TTLL11: variants seen among roughly 807,000 people sequenced by gnomAD.
TTLL11 encodes tubulin polyglutamylase TTLL11.
In TTLL11, 42 loss-of-function variants were observed where a neutral mutation model predicts 51.7. The observed-to-expected ratio is 0.81, with a 90% confidence interval of 0.64 to 1.05. The LOEUF (loss-of-function observed/expected upper bound fraction) is 1.05. Among genes scored for constraint, TTLL11 ranks in the 50% least tolerant of loss-of-function variants. The pLI is 0.00. For missense variants in TTLL11, 799 were observed against 940.4 expected (o/e 0.85, Z 1.97); for synonymous variants, 381 against 383.5 (o/e 0.99, Z 0.08).
chr9:121,913,916 G>T (rs1840230772), intron 6 of TTLL11, among the ~76,000 whole-genome samples: 1 of 152,186 alleles, frequency 6.6e-6, no homozygotes, highest in Admixed American at 6.5e-5. Context: ...CAGTTCTTCA[G>T]CCCCTGTGAC....
chr9:122,053,009 A>G (rs1295217918), intron 1 of TTLL11, among the ~76,000 whole-genome samples: 1 of 152,216 alleles, frequency 6.6e-6, no homozygotes, highest in East Asian at 1.9e-4. Context: ...TATTGAAAGC[A>G]AGCCTCCTGG....
chr9:121,987,988 T>C (rs1332641149), intron 4 of TTLL11, among the ~76,000 whole-genome samples: 1 of 152,030 alleles, frequency 6.6e-6, no homozygotes, highest in Non-Finnish European at 1.5e-5. Flanking sequence ...ACTCCCAACC[T>C]TCCCCCAACA....
chr9:121,955,451 T>G (rs371114360), intron 6 of TTLL11, among the ~76,000 whole-genome samples: 46 of 152,358 alleles, frequency 3.0e-4, no homozygotes, highest in African/African-American at 1.0e-3. Flanking sequence ...CATTAAATGC[T>G]TCCCATACTC....
At chr9:121,932,688 C>A (rs1448955069) in intron 6 of TTLL11, among the ~76,000 whole-genome samples, 1 of 146,914 alleles carries the variant, frequency 6.8e-6, no homozygotes. Flanking sequence ...ATCTAGATAA[C>A]CCACTTTTTT....
At chr9:121,880,340 A>T (rs1448691512) in intron 6 of TTLL11, among the ~76,000 whole-genome samples, 1 of 152,048 alleles carries the variant, frequency 6.6e-6, no homozygotes. Flanking sequence ...CATCCTCCAC[A>T]TCCACATCCC....
chr9:122,055,327 A>C (rs960706648), intron 1 of TTLL11, among the ~76,000 whole-genome samples: 2 of 152,210 alleles, frequency 1.3e-5, no homozygotes, highest in African/African-American at 4.8e-5. Context: ...AGGAAGCCAG[A>C]CCGAATCCCA....
At chr9:122,075,740 A>C (rs1233687919) in intron 1 of TTLL11, among the ~76,000 whole-genome samples, 1 of 152,220 alleles carries the variant, frequency 6.6e-6, no homozygotes, top group Non-Finnish European at 1.5e-5. Context: ...CTCCTTAAGT[A>C]AGGAACAAGT....
intron 3 of TTLL11, among the ~76,000 whole-genome samples, chr9:121,990,199 G>C (rs1008696105): frequency 3.3e-5 from 5 of 152,206 alleles, no homozygotes; most frequent in Admixed American, 2.6e-4. Context: ...AAATATGGTT[G>C]TGTCTTTTTA....
chr9:121,891,639 C>T (rs2131443698), intron 6 of TTLL11, among the ~76,000 whole-genome samples: 1 of 152,318 alleles, frequency 6.6e-6, no homozygotes, highest in African/African-American at 2.4e-5. Context: ...TCAGAACTGA[C>T]TGTATCTATA....
intron 6 of TTLL11, among the ~76,000 whole-genome samples, chr9:121,928,646 G>A (rs1440867183): frequency 6.6e-6 from 1 of 151,848 alleles, no homozygotes; most frequent in Non-Finnish European, 1.5e-5. Context: ...GCACCATGTT[G>A]GCCAGGATGT....
rs80340078 is a variant in TTLL11 at position 121,857,065 on chromosome 9, C to G, written c.1840+3272G>C. 8.6e-3 allele frequency among the ~76,000 whole-genome samples: 1,305 copies of G among 152,300 alleles called. 20 individuals are homozygous for G. Among genetic ancestry groups the G allele is most frequent in the African/African-American group, 0.03 (1,234 of 41,546 alleles). On this transcript the variant is annotated intron_variant, in intron 8 of 8. Coordinates refer to ENST00000321582, the MANE Select transcript of TTLL11 (RefSeq NM_001139442.2). ...TGGCACCAGCAGTGGCTCCTGAGAC[C>G]ACAGGCACAGAAGGCTTCCCATGTG... is the stretch of plus-strand genomic sequence containing the variant.
At chr9:122,091,817 T>C (rs1312844484) in intron 1 of TTLL11, among the ~76,000 whole-genome samples, 1 of 152,214 alleles carries the variant, frequency 6.6e-6, no homozygotes, top group Non-Finnish European at 1.5e-5. Flanking sequence ...ACGTAGCCAA[T>C]TGCAACAGAC....
intron 6 of TTLL11, among the ~76,000 whole-genome samples, chr9:121,965,776 A>C (rs1450165406): frequency 2.6e-5 from 4 of 152,196 alleles, no homozygotes; most frequent in African/African-American, 9.7e-5. Flanking sequence ...GGACTTCAAT[A>C]AGAGGTGCCA....
chr9:121,872,936 TAAA>T (rs1838408860), intron 6 of TTLL11, among the ~76,000 whole-genome samples: 11 of 152,304 alleles, frequency 7.2e-5, no homozygotes, highest in African/African-American at 2.6e-4. Flanking sequence ...CTTAAGACAG[TAAA>T]TATCAGGTGG....
At chr9:121,874,784 A>T (rs1294498440) in intron 6 of TTLL11, among the ~76,000 whole-genome samples, 46 of 144,476 alleles carry the variant, frequency 3.2e-4, no homozygotes, top group Non-Finnish European at 6.5e-4. Context: ...TGAGACAGAG[A>T]CTTGTTCTGT....
intron 4 of TTLL11, among the ~76,000 whole-genome samples, chr9:121,977,950 C>T (rs1842751797): frequency 2.0e-5 from 3 of 152,148 alleles, no homozygotes; most frequent in Non-Finnish European, 4.4e-5. Context: ...TCTGGGATTA[C>T]AGACGTGAGC....
chr9:121,976,174 C>A (rs1043277086), intron 4 of TTLL11, among the ~76,000 whole-genome samples: 1 of 152,214 alleles, frequency 6.6e-6, no homozygotes, highest in African/African-American at 2.4e-5. Flanking sequence ...CTGTGTGACA[C>A]CCCTGCACAG....
At chr9:121,906,343 T>A (rs544423852) in intron 6 of TTLL11, among the ~76,000 whole-genome samples, 6,580 of 81,556 alleles carry the variant, frequency 0.081, 227 homozygotes, top group Admixed American at 0.17. Flanking sequence ...GTAATAATTT[T>A]TAAAAAAAAA....
In TTLL11 at chr9:121,819,371, G is replaced by A. The variant is rs1232194784; in HGVS notation, c.*3216C>T. 1 of 152,380 alleles carries A rather than the reference G, an allele frequency of 6.6e-6. No homozygotes were observed. Among genetic ancestry groups the A allele is most frequent in the Non-Finnish European group, 1.5e-5 (1 of 68,230 alleles). 9.4% of individuals were successfully genotyped at this position (152,380 alleles called of 1,614,324 possible). A position where few individuals can be genotyped will look rare whatever the true frequency, so the allele number is the denominator to read the frequency against. Reference sequence around the variant, plus strand: ...GGGCACACCCAAAGAAAGGGTAGGTGGGCCCAGTTCTGTGGGTCTGTCCTG... The same window carrying A: ...GGGCACACCCAAAGAAAGGGTAGGTAGGCCCAGTTCTGTGGGTCTGTCCTG... On this transcript the variant is annotated 3_prime_UTR_variant, in exon 9 of 9. Coordinates refer to ENST00000321582, the MANE Select transcript of TTLL11 (RefSeq NM_001139442.2).
Sources: gnomAD v4.1 joint callset for allele counts (sites outside exome capture counted in the v4.1 genomes callset) on GRCh38, gnomAD v4.1.1 for gene constraint, MANE v1.5 for transcripts, NCBI Gene and HGNC (gene_info 2026-07-23, HGNC 2026-07-21) for gene names.